ARAP3: variants seen among roughly 807,000 people sequenced by gnomAD.
The protein encoded by ARAP3 is arf-GAP with Rho-GAP domain, ANK repeat and PH domain-containing protein 3.
ARAP3 carries 82 observed loss-of-function variants against 169.2 expected under a neutral mutation model. That is an observed-to-expected ratio of 0.48 (90% CI 0.41 to 0.58). ARAP3 has a LOEUF of 0.58. Among genes scored for constraint, ARAP3 ranks in the 20% least tolerant of loss-of-function variants. The pLI, the probability that ARAP3 is intolerant of heterozygous loss-of-function variation, is 0.00. For synonymous variants in ARAP3, 791 were observed against 800.3 expected (o/e 0.99, Z 0.20); for missense variants, 1,764 against 2,018.0 (o/e 0.87, Z 2.41).
At chr5:141,655,801 C>T (rs1171254461) in intron 30 of ARAP3, 43 bp from the exon 31 acceptor site, 1 of 1,614,134 alleles carries the variant, frequency 6.2e-7, no homozygotes, top group East Asian at 2.2e-5. Flanking sequence ...GCATGAAAGG[C>T]ACTGAGGAGG....
chr5:141,678,520 C>T (rs997488628), intron 4 of ARAP3, among the ~76,000 whole-genome samples: 2 of 152,072 alleles, frequency 1.3e-5, no homozygotes, highest in Non-Finnish European at 1.5e-5. Context: ...AATTGCAGTC[C>T]ACCCATTTTG....
At chr5:141,670,170 T>C in intron 14 of ARAP3, 107 bp from the exon 15 acceptor site, 1 of 1,399,936 alleles carries the variant, frequency 7.1e-7, no homozygotes, top group Non-Finnish European at 9.6e-7. Flanking sequence ...CCATATATGA[T>C]CCCATGTAAT....
In ARAP3 at chr5:141,680,232, T is replaced by G. The variant is rs2154599336; in HGVS notation, c.255A>C (p.Pro85=). 1 of 1,613,530 alleles carries G rather than the reference T, an allele frequency of 6.2e-7. No homozygotes were observed. The highest frequency in any genetic ancestry group is 8.5e-7 in the Non-Finnish European group (1 of 1,179,748). The stretch of plus-strand genomic sequence containing the variant: ...GCTTAGGGGGCTGGGCTTGCGGGGC[T>G]GGGCTGGGGGATGGTTCCATGGCAC... The part of the protein sequence containing the change: ...SDSAMEPSPS[P]APQAQPPKPV... Residue 85 remains proline (P), a synonymous_variant, in exon 2 of 33, where the codon CCA becomes CCC. Transcript: ENST00000239440.
rs1435720278 is a variant in ARAP3 at position 141,669,948 on chromosome 5, G to C, written c.2223C>G (p.Ser741Arg). ...TGTCACCTGGGTCAGTGGGTGGGGG[G>C]CTCACACCCAGACATACAATATCCT... ...QPQDIVCLGV[S>R]PPPTDPGDRF... The change falls in exon 15 of 33, where the codon AGC (serine) becomes AGG (arginine). Residue 741 changes from serine to arginine, a missense_variant. Coordinates refer to ENST00000239440, the MANE Select transcript of ARAP3 (RefSeq NM_022481.6). The C allele has an allele frequency of 6.2e-7, 1 of 1,600,284 alleles. No individual in the cohort carries two copies. The highest frequency in any genetic ancestry group is 8.5e-7 in the Non-Finnish European group (1 of 1,173,566).
intron 25 of ARAP3, 60 bp downstream of exon 25, chr5:141,658,305 C>T: frequency 6.4e-7 from 1 of 1,550,692 alleles, no homozygotes; most frequent in South Asian, 1.1e-5. Flanking sequence ...ATGACCTTGA[C>T]CACACAACCA....
Position 141,660,642 on chromosome 5 carries a change from T to C in ARAP3, c.3120-716A>G, listed in dbSNP as rs1052770287. Among the ~76,000 whole-genome samples, 46 of 152,084 alleles carry C rather than the reference T, an allele frequency of 3.0e-4. 1 individual carries two copies. The highest frequency in any genetic ancestry group is 4.9e-4 in the Non-Finnish European group (33 of 68,022). On this transcript the variant is annotated intron_variant, in intron 21 of 32. Coordinates refer to ENST00000239440, the MANE Select transcript of ARAP3 (RefSeq NM_022481.6). ...CCTATAATATAGTATATTTTTATTA[T>C]TTATTTATTTTTATCTTTTATAGAG...
chr5:141,673,705 T>G lies in ARAP3; in HGVS notation c.802A>C (p.Thr268Pro), dbSNP rs753125395. 4 of 1,614,030 alleles carry G rather than the reference T, an allele frequency of 2.5e-6. No individual in the cohort carries two copies. In the African/African-American group the frequency reaches 5.3e-5, roughly 22 times the overall value. ...LLSPTLETEE[T>P]SDDLISPYAS... is the part of the protein sequence containing the mutation. ...TAGGGTGAAATGAGGTCATCACTGG[T>G]CTCCTCTGTTTCCAGGGTGGGCGAT... The change falls in exon 5 of 33, where the codon ACC becomes CCC. Residue 268 changes from threonine (T) to proline (P), a missense_variant. By Grantham distance (38) the Thr-to-Pro change is conservative. Transcript: ENST00000239440.
chr5:141,673,034 C>G lies in ARAP3; in HGVS notation c.1072G>C (p.Val358Leu), dbSNP rs369356022. ...FQVITGQRVF[V>L]FRTESEAQRD... ...TCACCCTCGCTCTCTGTGCGGAACACGAACACCCTCTGGCCGGTGATGACC... is the reference window on the plus strand; with the variant it reads ...TCACCCTCGCTCTCTGTGCGGAACAGGAACACCCTCTGGCCGGTGATGACC... The change falls in exon 7 of 33, where the codon GTG (valine) becomes CTG (leucine). Residue 358 changes from valine (V) to leucine (L), a missense_variant. By Grantham distance (32) the Val-to-Leu change is conservative. This residue lies in a region of ARAP3 where 630 missense variants were observed against 678.7 expected (regional missense o/e 0.93). Transcript: ENST00000239440. 3 of 1,614,062 alleles carry G rather than the reference C, an allele frequency of 1.9e-6. No homozygotes were observed. The highest frequency in any genetic ancestry group is 1.3e-5 in the African/African-American group (1 of 74,920).
intron 4 of ARAP3, among the ~76,000 whole-genome samples, chr5:141,675,160 G>A (rs1359126531): frequency 6.6e-6 from 1 of 152,130 alleles, no homozygotes; most frequent in Non-Finnish European, 1.5e-5. Context: ...CGCCTTCCAT[G>A]CTTCCCTGGG....
chr5:141,663,661 G>C (rs2099910273), intron 19 of ARAP3, among the ~76,000 whole-genome samples: 1 of 152,216 alleles, frequency 6.6e-6, no homozygotes. Context: ...GAGAGGCTGA[G>C]AAGAGGATAA....
chr5:141,672,472 A>G lies in ARAP3; in HGVS notation c.1385+80T>C, dbSNP rs942300726. The G allele has an allele frequency of 1.3e-6, 2 of 1,525,876 alleles. No homozygotes were observed. The allele number at this position is 1,525,876 out of a possible 1,614,324, so 94.5% of individuals were successfully genotyped here. ...TGTGCATACCCTCTGACGTCCTACT[A>G]AAGAGGCCTCTAGTCCTCTGCACCC... On this transcript the variant is annotated intron_variant, in intron 9 of 32. Coordinates refer to ENST00000239440, the MANE Select transcript of ARAP3 (RefSeq NM_022481.6). The surrounding 1 kb of genome is among the most constrained non-coding windows in gnomAD (Gnocchi z 4.9).
Position 141,673,404 on chromosome 5 carries a change from G to C in ARAP3, c.969C>G (p.Asp323Glu), listed in dbSNP as rs755331474. The change falls in exon 6 of 33, where the codon GAC (aspartate) becomes GAG (glutamate). Residue 323 changes from aspartate to glutamate, a missense_variant. This residue lies in a region of ARAP3 where 630 missense variants were observed against 678.7 expected (regional missense o/e 0.93). Transcript: ENST00000239440. ...NGRSLMYFGSDKDPFPKGVIP... is the reference protein window; with the variant it reads ...NGRSLMYFGSEKDPFPKGVIP... ...GTCACATCTCCCAGCCCCCCACCTT[G>C]TCACTGCCAAAGTACATCAGACTCC... The C allele has an allele frequency of 6.2e-7, 1 of 1,613,736 alleles. No homozygotes were observed. Among genetic ancestry groups the C allele is most frequent in the African/African-American group, 1.3e-5 (1 of 74,826 alleles).
rs1344130427 is a variant in ARAP3, at chr5:141,665,157, G to A, written c.2637-72C>T. The stretch of plus-strand genomic sequence containing the variant: ...ATGCATGGGGACCAGACTTCCCAGA[G>A]CCACCAGCAGAGGGCAGCAACACCC... On this transcript the variant is annotated intron_variant, in intron 18 of 32. Coordinates refer to ENST00000239440, the MANE Select transcript of ARAP3 (RefSeq NM_022481.6). 1.9e-6 allele frequency: 3 copies of A among 1,565,154 alleles called. No homozygotes were observed. The African/African-American group carries it at 4.1e-5, about 21-fold the overall frequency.
In ARAP3 at chr5:141,671,871, C is replaced by T. The variant is rs1475116034; in HGVS notation, c.1671+24G>A. 1.9e-6 allele frequency: 3 copies of T among 1,614,042 alleles called. No homozygotes were observed. Among genetic ancestry groups the T allele is most frequent in the Admixed American group, 3.3e-5 (2 of 60,000 alleles). ...TGGACGCTCCCTTCTACGCCTCCCA[C>T]CTTCTCCCTCTTCGCCCGCTCACCT... On this transcript the variant is annotated intron_variant, in intron 11 of 32. Transcript: ENST00000239440. The surrounding 1 kb of genome is among the most constrained non-coding windows in gnomAD (Gnocchi z 4.9).
rs371156052 is a variant in ARAP3, at chr5:141,680,516, G to T, written c.-17-13C>A. 1.9e-6 allele frequency: 3 copies of T among 1,559,416 alleles called. No individual in the cohort carries two copies. The highest frequency in any genetic ancestry group is 1.3e-5 in the African/African-American group (1 of 74,320). ...GCTCAGGCCATTGCTGGGGGGAGGGGCAGGGTGAAGGGAGGGCTCAGGCTG... is the reference window on the plus strand; with the variant it reads ...GCTCAGGCCATTGCTGGGGGGAGGGTCAGGGTGAAGGGAGGGCTCAGGCTG... On this transcript the variant is annotated splice_polypyrimidine_tract_variant and intron_variant, in intron 1 of 32. Coordinates refer to ENST00000239440, the MANE Select transcript of ARAP3 (RefSeq NM_022481.6).
At chr5:141,679,875 T>G in intron 2 of ARAP3, 53 bp from the exon 3 acceptor site, 3 of 1,610,946 alleles carry the variant, frequency 1.9e-6, no homozygotes, top group Non-Finnish European at 2.5e-6. Context: ...AGAACAAGCC[T>G]TCATGCCCTG....
intron 16 of ARAP3, among the ~76,000 whole-genome samples, chr5:141,667,143 C>T (rs1337271624): frequency 6.6e-6 from 1 of 152,000 alleles, no homozygotes; most frequent in Admixed American, 6.6e-5. Flanking sequence ...CGAACTCCCA[C>T]CTTGGCCTCC....
chr5:141,673,557 C>A, intron 5 of ARAP3, 48 bp downstream of exon 5: 1 of 1,612,350 alleles, frequency 6.2e-7, no homozygotes, highest in South Asian at 1.1e-5. Flanking sequence ...CCCGCGCAAC[C>A]ACCTCCCAGC....
At position 141,658,382 on chromosome 5, in the gene ARAP3, C is replaced by A. The variant is rs116485474; in HGVS notation, c.3509G>T (p.Arg1170Leu). 4 of 1,613,344 alleles carry A rather than the reference C, an allele frequency of 2.5e-6. No homozygotes were observed. In the African/African-American group the frequency reaches 5.3e-5, roughly 22 times the overall value. ...GMDLWVTFEI[R>L]EHGELERPLH... ...ATACTCACCCAGCTCCCCATGCTCGCGAATCTCAAAAGTCACCCACAAGTC... is the reference window on the plus strand; with the variant it reads ...ATACTCACCCAGCTCCCCATGCTCGAGAATCTCAAAAGTCACCCACAAGTC... Residue 1170 changes from arginine to leucine, a missense_variant, in exon 25 of 33, where the codon CGC becomes CTC. Transcript: ENST00000239440.
Sources: allele counts gnomAD v4.1 joint callset (sites outside exome capture counted in the v4.1 genomes callset), GRCh38; gene constraint gnomAD v4.1.1; regional missense constraint gnomAD v4.1.1; non-coding constraint Gnocchi (gnomAD v3.1); transcripts MANE v1.5; gene names NCBI Gene and HGNC (gene_info 2026-07-23, HGNC 2026-07-21).